The following RERE variants were observed in gnomAD, a reference collection of about 807,000 sequenced individuals.
RERE encodes arginine-glutamic acid dipeptide repeats.
Under a neutral mutation model 146.1 loss-of-function variants are expected in RERE, and 40 were observed. The ratio of observed to expected loss-of-function variants is 0.27; its 90% CI spans 0.21 to 0.36. The LOEUF is 0.36. Among genes scored for constraint, RERE ranks in the 10% least tolerant of loss-of-function variants. The pLI is 1.00. For synonymous variants in RERE, 1,003 were observed against 866.0 expected (o/e 1.16, Z -2.78); for missense variants, 1,933 against 2,138.7 (o/e 0.90, Z 1.90).
At position 8,355,403 on chromosome 1, in the gene RERE, C is replaced by G. The variant is rs370210571; in HGVS notation, c.4667+16G>C. The G allele has an allele frequency of 5.0e-6, 8 of 1,611,016 alleles. No individual in the cohort carries two copies. The Middle Eastern group carries it at 1.1e-3, about 221-fold the overall frequency. ...CTCAGATAACCCCTCCACTCCCTCC[C>G]AGCACCCCACCTCACCTGTAATAAT... On this transcript the variant is annotated intron_variant, in intron 22 of 22. Transcript: ENST00000400908.
intron 4 of RERE, among the ~76,000 whole-genome samples, chr1:8,612,480 T>G (rs1360842319): frequency 6.6e-6 from 1 of 152,204 alleles, no homozygotes; most frequent in African/African-American, 2.4e-5. Flanking sequence ...TACACCTACA[T>G]ATAATGTACC....
At chr1:8,528,699 T>C (rs1489672737) in intron 7 of RERE, among the ~76,000 whole-genome samples, 6 of 152,020 alleles carry the variant, frequency 3.9e-5, no homozygotes, top group Non-Finnish European at 1.5e-5. Flanking sequence ...TAAGCAAATA[T>C]TCCAAAATTC....
At chr1:8,600,492 C>A (rs1048457562) in intron 4 of RERE, among the ~76,000 whole-genome samples, 3 of 152,184 alleles carry the variant, frequency 2.0e-5, no homozygotes, top group Non-Finnish European at 4.4e-5. Context: ...TGTGCCAATT[C>A]TCTGGACATC....
At chr1:8,733,755 T>C (rs1056045234) in intron 1 of RERE, among the ~76,000 whole-genome samples, 3 of 152,238 alleles carry the variant, frequency 2.0e-5, no homozygotes, top group African/African-American at 7.2e-5. Context: ...AAATGCTGAA[T>C]GTTGTTTTAA....
At chr1:8,511,779 CT>C (rs775118842) in intron 7 of RERE, 2,551 of 141,164 alleles carry the variant, frequency 0.018, 35 homozygotes, top group African/African-American at 0.047. Context: ...TTTTCTTTTT[CT>C]TTTTTTTTTT....
At chr1:8,703,519 G>A (rs1639503072) in intron 1 of RERE, among the ~76,000 whole-genome samples, 1 of 152,088 alleles carries the variant, frequency 6.6e-6, no homozygotes, top group African/African-American at 2.4e-5. Flanking sequence ...CCGCGGGCGC[G>A]CGCACACACA....
intron 8 of RERE, among the ~76,000 whole-genome samples, chr1:8,498,695 C>CAA (rs1203388426): frequency 2.4e-4 from 23 of 96,882 alleles, no homozygotes; most frequent in African/African-American, 8.3e-4. Flanking sequence ...GACTCCATCT[C>CAA]AAAAAAAAAA....
At chr1:8,609,668 T>G (rs1377887398) in intron 4 of RERE, among the ~76,000 whole-genome samples, 1 of 152,200 alleles carries the variant, frequency 6.6e-6, no homozygotes, top group Non-Finnish European at 1.5e-5. Context: ...TTGGAGTTCT[T>G]TCTAAGCAAC....
Position 8,355,464 on chromosome 1 carries a change from G to C in RERE, c.4622C>G (p.Pro1541Arg). The C allele has an allele frequency of 6.2e-7, 1 of 1,612,938 alleles. No individual in the cohort carries two copies. ...AMEQQWLHGH[P>R]HMHGGHLPSQ... is the part of the protein sequence containing the mutation. ...TGGTAGGTGGCCACCATGCATGTGG[G>C]GGTGTCCATGCAGCCACTGCTGCTC... Residue 1541 changes from proline to arginine, a missense_variant, in exon 22 of 23, where the codon CCC becomes CGC. This residue lies in a region of RERE where 133 missense variants were observed against 168.6 expected (regional missense o/e 0.79). Coordinates refer to ENST00000400908, the MANE Select transcript of RERE (RefSeq NM_001042681.2).
chr1:8,591,527 G>A (rs773463642), intron 4 of RERE, among the ~76,000 whole-genome samples: 38 of 151,710 alleles, frequency 2.5e-4, no homozygotes, highest in Non-Finnish European at 4.9e-4. Flanking sequence ...TGTCTATATA[G>A]CCACCTAATG....
chr1:8,498,512 A>G (rs879836188), intron 8 of RERE, among the ~76,000 whole-genome samples: 2 of 151,916 alleles, frequency 1.3e-5, no homozygotes, highest in African/African-American at 4.8e-5. Flanking sequence ...CCTGGCCAAC[A>G]TGATAAAACC....
At chr1:8,731,777 T>G (rs1557509234) in intron 1 of RERE, among the ~76,000 whole-genome samples, 1 of 20,960 alleles carries the variant, frequency 4.8e-5, no homozygotes, top group South Asian at 7.4e-4. Context: ...AAACATAATG[T>G]TTTTTTGTTT....
At chr1:8,463,140 A>T (rs1644547572) in intron 11 of RERE, among the ~76,000 whole-genome samples, 1 of 152,142 alleles carries the variant, frequency 6.6e-6, no homozygotes, top group Non-Finnish European at 1.5e-5. Context: ...ATCTCTTCAA[A>T]GATTTGATTT....
At chr1:8,800,535 G>A (rs1018246231) in intron 1 of RERE, among the ~76,000 whole-genome samples, 1 of 152,094 alleles carries the variant, frequency 6.6e-6, no homozygotes, top group Non-Finnish European at 1.5e-5. Context: ...GATACTGTAG[G>A]AGCCAGGCAC....
In RERE at chr1:8,529,284, C is replaced by CT. The variant is rs1185715350; in HGVS notation, c.830+11929dup. 2.6e-3 allele frequency among the ~76,000 whole-genome samples: 222 copies of CT among 84,544 alleles called. 1 individual carries two copies. The highest frequency in any genetic ancestry group is 1.0e-2 in the African/African-American group (215 of 21,600). 55.5% of individuals were successfully genotyped at this position (84,544 alleles called of 152,430 possible). On this transcript the variant is annotated intron_variant, in intron 7 of 22. Coordinates refer to ENST00000400908, the MANE Select transcript of RERE (RefSeq NM_001042681.2). ...CAGCCTCCACAACCATCAGTTCTCC[C>CT]TTCTTTTTTTTTTTTTTTTTTTTGA...
At chr1:8,697,233 A>G (rs1639351147) in intron 1 of RERE, among the ~76,000 whole-genome samples, 1 of 152,244 alleles carries the variant, frequency 6.6e-6, no homozygotes. Flanking sequence ...TCATTTTCCT[A>G]CCACTCAAAA....
At chr1:8,600,164 G>C (rs1646604174) in intron 4 of RERE, among the ~76,000 whole-genome samples, 1 of 152,110 alleles carries the variant, frequency 6.6e-6, no homozygotes, top group Admixed American at 6.5e-5. Context: ...ATGTGCCTTT[G>C]CTTCTCCTTT....
At chr1:8,442,470 C>T (rs1011579048) in intron 11 of RERE, among the ~76,000 whole-genome samples, 1 of 151,692 alleles carries the variant, frequency 6.6e-6, no homozygotes, top group Non-Finnish European at 1.5e-5. Flanking sequence ...CCTGCTCCTA[C>T]TTCGTTTTCT....
At chr1:8,650,224 T>C (rs540702725) in intron 2 of RERE, among the ~76,000 whole-genome samples, 7 of 152,238 alleles carry the variant, frequency 4.6e-5, no homozygotes, top group Non-Finnish European at 8.8e-5. Flanking sequence ...AATTTCTCCA[T>C]AAGATCACAT....
Sources: gnomAD v4.1 joint callset for allele counts (sites outside exome capture counted in the v4.1 genomes callset) on GRCh38, gnomAD v4.1.1 for gene constraint, gnomAD v4.1.1 regional missense constraint, MANE v1.5 for transcripts, NCBI Gene and HGNC (gene_info 2026-07-23, HGNC 2026-07-21) for gene names.